The following SLC16A10 variants were observed in gnomAD, a reference collection of about 807,000 sequenced individuals.
SLC16A10 encodes monocarboxylate transporter 10.
A neutral mutation model predicts 40.0 loss-of-function variants in SLC16A10; 27 were observed. That is an observed-to-expected ratio of 0.67 (90% CI 0.50 to 0.93). The LOEUF is 0.93. Among genes scored for constraint, SLC16A10 ranks in the 40% least tolerant of loss-of-function variants. The pLI is 0.00. For synonymous variants in SLC16A10, 213 were observed against 249.8 expected (o/e 0.85, Z 1.39); for missense variants, 529 against 658.2 (o/e 0.80, Z 2.15).
At chr6:111,104,763 A>G (rs1771251378) in intron 1 of SLC16A10, among the ~76,000 whole-genome samples, 1 of 152,226 alleles carries the variant, frequency 6.6e-6, no homozygotes, top group African/African-American at 2.4e-5. Context: ...ATGGAAACCC[A>G]GAAATCCTGT....
At chr6:111,131,432 C>T (rs1385341179) in intron 1 of SLC16A10, among the ~76,000 whole-genome samples, 1 of 152,202 alleles carries the variant, frequency 6.6e-6, no homozygotes, top group African/African-American at 2.4e-5. Context: ...TTGGAAGCAG[C>T]CCGCCACCAT....
chr6:111,117,585 AC>A (rs1484171892), intron 1 of SLC16A10, among the ~76,000 whole-genome samples: 1 of 152,148 alleles, frequency 6.6e-6, no homozygotes, highest in Non-Finnish European at 1.5e-5. Flanking sequence ...TAGAAATTGA[AC>A]CCTTTGAGGG....
intron 4 of SLC16A10, among the ~76,000 whole-genome samples, chr6:111,212,677 C>T (rs1385916576): frequency 6.6e-6 from 1 of 151,900 alleles, no homozygotes; most frequent in African/African-American, 2.4e-5. Flanking sequence ...CCTGTAGTCC[C>T]AGCTACTTGG....
At chr6:111,142,569 A>G (rs1444639314) in intron 1 of SLC16A10, among the ~76,000 whole-genome samples, 2 of 152,274 alleles carry the variant, frequency 1.3e-5, no homozygotes, top group Non-Finnish European at 2.9e-5. Context: ...AAACACTCTA[A>G]TAGATATCTC....
intron 1 of SLC16A10, among the ~76,000 whole-genome samples, chr6:111,152,073 ACTC>A (rs1772182127): frequency 6.6e-6 from 1 of 152,082 alleles, no homozygotes; most frequent in African/African-American, 2.4e-5. Context: ...CTCAGTAACT[ACTC>A]CTGGGGAAGA....
intron 1 of SLC16A10, among the ~76,000 whole-genome samples, chr6:111,145,510 G>A (rs1772061525): frequency 6.6e-6 from 1 of 152,158 alleles, no homozygotes; most frequent in South Asian, 2.1e-4. Flanking sequence ...AACAAATGGT[G>A]CTGGAACAAC....
At chr6:111,171,834 A>AAG (rs1772591675) in intron 1 of SLC16A10, among the ~76,000 whole-genome samples, 1 of 150,496 alleles carries the variant, frequency 6.6e-6, no homozygotes, top group African/African-American at 2.4e-5. Context: ...AAAAAAAAAA[A>AAG]GGCAAAAAAT....
chr6:111,175,349 A>G (rs1358173066), intron 2 of SLC16A10, among the ~76,000 whole-genome samples: 1 of 151,960 alleles, frequency 6.6e-6, no homozygotes, highest in South Asian at 2.1e-4. Context: ...CATATACTTC[A>G]CTCTGCAGGA....
chr6:111,116,633 A>G (rs1771492376), intron 1 of SLC16A10, among the ~76,000 whole-genome samples: 1 of 152,258 alleles, frequency 6.6e-6, no homozygotes, highest in African/African-American at 2.4e-5. Context: ...GTTACTGTGC[A>G]GCAACATGGA....
intron 1 of SLC16A10, among the ~76,000 whole-genome samples, chr6:111,151,350 C>T (rs1361439313): frequency 1.3e-5 from 2 of 152,188 alleles, no homozygotes; most frequent in Non-Finnish European, 2.9e-5. Flanking sequence ...TCTGTCTTCC[C>T]CTCACTTTAC....
chr6:111,127,913 A>G (rs1284349228), intron 1 of SLC16A10, among the ~76,000 whole-genome samples: 3 of 152,192 alleles, frequency 2.0e-5, no homozygotes, highest in Non-Finnish European at 2.9e-5. Flanking sequence ...GGAGAGGGAC[A>G]TTGTTGAAAC....
chr6:111,212,341 AG>A (rs1429045187), intron 4 of SLC16A10, among the ~76,000 whole-genome samples: 2 of 152,250 alleles, frequency 1.3e-5, no homozygotes, highest in African/African-American at 4.8e-5. Context: ...GATTTGGAAT[AG>A]GTCTCAAGAA....
intron 4 of SLC16A10, among the ~76,000 whole-genome samples, chr6:111,209,329 A>G (rs191114198): frequency 1.3e-5 from 2 of 152,364 alleles, no homozygotes; most frequent in African/African-American, 2.4e-5. Context: ...AGCTAGGGAC[A>G]TAGAGAATGA....
At position 111,087,802 on chromosome 6, in the gene SLC16A10, C is replaced by T; in HGVS notation, c.50C>T (p.Ala17Val). ...GACTCCGCGCGGGGCACGAGCGAGG[C>T]GCAGCCGCTCGGCCCCGCGCCCACG... Reference protein sequence around the residue: ...EPDSARGTSEAQPLGPAPTGA... With the variant: ...EPDSARGTSEVQPLGPAPTGA... Residue 17 changes from alanine (A) to valine (V), a missense_variant, in exon 1 of 6, where the codon GCG becomes GTG. Transcript: ENST00000368851. 1 of 1,279,226 alleles carries T rather than the reference C, an allele frequency of 7.8e-7. No homozygotes were observed. Among genetic ancestry groups the T allele is most frequent in the Non-Finnish European group, 9.8e-7 (1 of 1,019,278 alleles). The allele number at this position is 1,279,226 out of a possible 1,614,324, so 79.2% of individuals were successfully genotyped here. A position where few individuals can be genotyped will look rare whatever the true frequency, so the allele number is the denominator to read the frequency against.
chr6:111,093,852 AAAT>A (rs1771026739), intron 1 of SLC16A10, among the ~76,000 whole-genome samples: 1 of 152,214 alleles, frequency 6.6e-6, no homozygotes, highest in Admixed American at 6.5e-5. Flanking sequence ...CTACCTGCTA[AAAT>A]AAGTGAGAAG....
chr6:111,216,078 C>T (rs567218972), intron 4 of SLC16A10, among the ~76,000 whole-genome samples: 1 of 152,124 alleles, frequency 6.6e-6, no homozygotes, highest in African/African-American at 2.4e-5. Context: ...AATTTCAAAC[C>T]CTTTTCTACA....
intron 3 of SLC16A10, among the ~76,000 whole-genome samples, chr6:111,197,860 G>A (rs1323561987): frequency 6.6e-6 from 1 of 152,120 alleles, no homozygotes; most frequent in Non-Finnish European, 1.5e-5. Context: ...TTATCACCAA[G>A]GGAATGGTGC....
intron 1 of SLC16A10, among the ~76,000 whole-genome samples, chr6:111,103,209 C>T (rs1004134875): frequency 1.3e-4 from 20 of 151,952 alleles, no homozygotes; most frequent in African/African-American, 4.6e-4. Flanking sequence ...CCCGGCTCCC[C>T]ATTTAATTTT....
intron 1 of SLC16A10, among the ~76,000 whole-genome samples, chr6:111,139,289 A>C (rs1401707626): frequency 1.3e-5 from 2 of 151,164 alleles, no homozygotes. Flanking sequence ...CCTTTTTCAG[A>C]TCTAGACCTG....
Sources: allele counts gnomAD v4.1 joint callset (sites outside exome capture counted in the v4.1 genomes callset), GRCh38; gene constraint gnomAD v4.1.1; transcripts MANE v1.5; gene names NCBI Gene and HGNC (gene_info 2026-07-23, HGNC 2026-07-21).